The following NSG2 variants were observed in gnomAD, a reference collection of about 807,000 sequenced individuals.
NSG2 encodes the protein neuronal vesicle trafficking-associated protein 2.
Under a neutral mutation model 16.9 loss-of-function variants are expected in NSG2, and 4 were observed. The ratio of observed to expected loss-of-function variants is 0.24; its 90% CI spans 0.12 to 0.54. The LOEUF is 0.54. NSG2 is among the 20% of genes least tolerant of loss of function. The pLI is 0.95. For synonymous variants in NSG2, 98 were observed against 88.7 expected (o/e 1.11, Z -0.59); for missense variants, 179 against 221.1 (o/e 0.81, Z 1.21).
intron 3 of NSG2, among the ~76,000 whole-genome samples, chr5:174,079,263 C>CTT (rs113704369): frequency 0.026 from 3,678 of 143,426 alleles, 151 homozygotes; most frequent in African/African-American, 0.088. Flanking sequence ...CTCTCTCTCT[C>CTT]TTTTTTTTTT....
At chr5:174,079,247 T>TTCTC (rs60883319) in intron 3 of NSG2, among the ~76,000 whole-genome samples, 7 of 148,630 alleles carry the variant, frequency 4.7e-5, no homozygotes, top group African/African-American at 1.8e-4. Flanking sequence ...TTCTCTCTCT[T>TTCTC]TCTCTCTCTC....
In NSG2 at chr5:174,107,199, C is replaced by A; in HGVS notation, c.325-115C>A. The A allele has an allele frequency of 2.2e-6, 2 of 918,612 alleles. No homozygotes were observed. The highest frequency in any genetic ancestry group is 2.1e-5 in the South Asian group (1 of 46,654). 56.9% of individuals were successfully genotyped at this position (918,612 alleles called of 1,614,324 possible). On this transcript the variant is annotated intron_variant, in intron 4 of 4. Coordinates refer to ENST00000303177, the MANE Select transcript of NSG2 (RefSeq NM_015980.5). This position sits in a 1 kb window ranked among gnomAD's most constrained non-coding sequence, Gnocchi z 4.5. ...CCAGGCCCAGGTCAGGAGCTGTCAC[C>A]TGCCCTCTGGCTGACAGCCCGATGC...
chr5:174,066,801 TA>T (rs1349870657), intron 3 of NSG2, among the ~76,000 whole-genome samples: 2 of 151,796 alleles, frequency 1.3e-5, no homozygotes, highest in African/African-American at 2.4e-5. Context: ...CCGTCCCGGC[TA>T]AAACGGTGAA....
intron 1 of NSG2, among the ~76,000 whole-genome samples, chr5:174,046,332 G>A (rs965139262): frequency 1.1e-4 from 16 of 150,590 alleles, no homozygotes; most frequent in African/African-American, 3.5e-4. Context: ...GAGTGGTGAG[G>A]TGAAATTTAT....
intron 3 of NSG2, chr5:174,082,214 T>A (rs767038073): frequency 1.3e-5 from 2 of 152,174 alleles, no homozygotes; most frequent in Non-Finnish European, 2.9e-5. Flanking sequence ...TCAATAAGTG[T>A]TTACACAGTA....
At chr5:174,085,031 T>TCA (rs1760581168) in intron 3 of NSG2, among the ~76,000 whole-genome samples, 2 of 152,102 alleles carry the variant, frequency 1.3e-5, no homozygotes, top group African/African-American at 4.8e-5. Context: ...GATCAAACCA[T>TCA]GGGAAAGTTA....
At chr5:174,048,419 G>A (rs1759834667) in intron 2 of NSG2, among the ~76,000 whole-genome samples, 1 of 152,128 alleles carries the variant, frequency 6.6e-6, no homozygotes, top group African/African-American at 2.4e-5. Context: ...CATTAACCTG[G>A]GAGTCAGGGA....
intron 3 of NSG2, among the ~76,000 whole-genome samples, chr5:174,100,964 C>T (rs956510981): frequency 2.6e-5 from 4 of 152,252 alleles, no homozygotes; most frequent in South Asian, 2.1e-4. Flanking sequence ...TGGGGTTGCA[C>T]ATGGTCATTG....
intron 3 of NSG2, among the ~76,000 whole-genome samples, chr5:174,077,605 G>T (rs1760369279): frequency 6.6e-6 from 1 of 152,072 alleles, no homozygotes. Flanking sequence ...CATAAAACTG[G>T]CTGGGACATC....
At chr5:174,075,162 T>C (rs1760316536) in intron 3 of NSG2, among the ~76,000 whole-genome samples, 1 of 152,214 alleles carries the variant, frequency 6.6e-6, no homozygotes, top group Admixed American at 6.5e-5. Flanking sequence ...CTGTGAGTCA[T>C]TTCCCATTTT....
intron 3 of NSG2, among the ~76,000 whole-genome samples, chr5:174,078,823 C>T (rs1760392841): frequency 6.6e-6 from 1 of 152,186 alleles, no homozygotes; most frequent in African/African-American, 2.4e-5. Context: ...GATACCAAAT[C>T]TCCTGGTGCC....
intron 2 of NSG2, among the ~76,000 whole-genome samples, chr5:174,061,751 G>A (rs907033977): frequency 6.6e-6 from 1 of 151,904 alleles, no homozygotes; most frequent in African/African-American, 2.4e-5. Flanking sequence ...TTACAGGTGT[G>A]CGCCACCATG....
chr5:174,068,729 C>T (rs1280695636), intron 3 of NSG2, among the ~76,000 whole-genome samples: 3 of 112,010 alleles, frequency 2.7e-5, no homozygotes, highest in African/African-American at 7.1e-5. Context: ...TCATGGGAAT[C>T]CTGGTGCTAT....
intron 2 of NSG2, among the ~76,000 whole-genome samples, chr5:174,050,530 C>T (rs952941066): frequency 6.6e-6 from 1 of 152,170 alleles, no homozygotes; most frequent in Non-Finnish European, 1.5e-5. Context: ...CCTGCCTAAA[C>T]TTTACAGATG....
chr5:174,062,155 C>A (rs1760063339), intron 2 of NSG2, among the ~76,000 whole-genome samples: 2 of 152,026 alleles, frequency 1.3e-5, no homozygotes, highest in South Asian at 4.2e-4. Flanking sequence ...CCCAACAATC[C>A]AACGAGGTGG....
chr5:174,106,405 C>T (rs978699951), intron 4 of NSG2, among the ~76,000 whole-genome samples: 1 of 151,976 alleles, frequency 6.6e-6, no homozygotes, highest in Non-Finnish European at 1.5e-5. Context: ...TCGCCTCACA[C>T]CTTTGGTGGA....
At chr5:174,050,264 G>T (rs1759867472) in intron 2 of NSG2, among the ~76,000 whole-genome samples, 1 of 152,216 alleles carries the variant, frequency 6.6e-6, no homozygotes, top group Admixed American at 6.5e-5. Context: ...GTAAAATACA[G>T]AGTATGCTTG....
intron 2 of NSG2, among the ~76,000 whole-genome samples, chr5:174,047,114 C>A (rs1386202519): frequency 1.3e-5 from 2 of 152,126 alleles, no homozygotes; most frequent in Admixed American, 1.3e-4. Context: ...AATGGGCAAG[C>A]AAATTGATCT....
intron 3 of NSG2, among the ~76,000 whole-genome samples, chr5:174,093,679 C>T (rs1760753587): frequency 6.6e-6 from 1 of 152,220 alleles, no homozygotes; most frequent in Non-Finnish European, 1.5e-5. Flanking sequence ...TCTGGAGGTT[C>T]CAGCTGCCAC....
Sources: gnomAD v4.1 joint callset for allele counts (sites outside exome capture counted in the v4.1 genomes callset) on GRCh38, gnomAD v4.1.1 for gene constraint, Gnocchi (gnomAD v3.1) non-coding constraint, MANE v1.5 for transcripts, NCBI Gene and HGNC (gene_info 2026-07-23, HGNC 2026-07-21) for gene names.